LUZP2: variants seen among roughly 807,000 people sequenced by gnomAD.
LUZP2 encodes leucine zipper protein 2.
A neutral mutation model predicts 51.6 loss-of-function variants in LUZP2; 52 were observed. The observed-to-expected ratio is 1.01, with a 90% CI of 0.81 to 1.27. The LOEUF is 1.27. Among genes scored for constraint, LUZP2 ranks in the 50% most tolerant of loss-of-function variants. The pLI, the probability that LUZP2 is intolerant of heterozygous loss-of-function variation, is 0.00. For synonymous variants in LUZP2, 154 were observed against 137.3 expected (o/e 1.12, Z -0.85); for missense variants, 436 against 395.4 (o/e 1.10, Z -0.87).
intron 1 of LUZP2, among the ~76,000 whole-genome samples, chr11:24,629,492 ATATATATATTACATATATAT>A (rs1854800681): frequency 6.8e-6 from 1 of 147,690 alleles, no homozygotes; most frequent in Non-Finnish European, 1.5e-5. Context: ...ATTCCATTGC[ATATATATATTACATATATAT>A]TATATATATT....
chr11:24,704,166 G>A (rs1374334682), intron 1 of LUZP2, among the ~76,000 whole-genome samples: 1 of 152,000 alleles, frequency 6.6e-6, no homozygotes, highest in Non-Finnish European at 1.5e-5. Context: ...GATTATCAGG[G>A]ATATTTCTTT....
intron 8 of LUZP2, 141 bp from the exon 9 acceptor site, chr11:24,982,985 A>C (rs1445295222): frequency 4.1e-6 from 3 of 737,858 alleles, no homozygotes; most frequent in Admixed American, 2.8e-5. Flanking sequence ...TGTCATAATG[A>C]AATTTATAAA....
chr11:24,550,796 A>G (rs1851702535), intron 1 of LUZP2, among the ~76,000 whole-genome samples: 1 of 152,066 alleles, frequency 6.6e-6, no homozygotes. Flanking sequence ...ATACTTGTCC[A>G]GGAACAGTGG....
At chr11:24,982,162 A>C (rs978821909) in intron 8 of LUZP2, among the ~76,000 whole-genome samples, 1 of 151,956 alleles carries the variant, frequency 6.6e-6, no homozygotes, top group Non-Finnish European at 1.5e-5. Flanking sequence ...AGTTAGTGGG[A>C]GTGTAAATTA....
chr11:24,815,361 A>G (rs920073220), intron 5 of LUZP2, among the ~76,000 whole-genome samples: 5 of 152,252 alleles, frequency 3.3e-5, no homozygotes, highest in Non-Finnish European at 7.3e-5. Flanking sequence ...TATGGAAAGA[A>G]ATTACGAAGT....
At chr11:24,695,355 C>T (rs948874216) in intron 1 of LUZP2, among the ~76,000 whole-genome samples, 3 of 151,786 alleles carry the variant, frequency 2.0e-5, no homozygotes, top group African/African-American at 7.3e-5. Flanking sequence ...AATAATTATA[C>T]ATATATATGA....
intron 1 of LUZP2, among the ~76,000 whole-genome samples, chr11:24,727,557 AAGATGATTT>A (rs1858526586): frequency 6.6e-6 from 1 of 152,102 alleles, no homozygotes; most frequent in Non-Finnish European, 1.5e-5. Flanking sequence ...ATGGTCACTT[AAGATGATTT>A]TGGAGATGTG....
intron 1 of LUZP2, among the ~76,000 whole-genome samples, chr11:24,567,189 A>G (rs1232222079): frequency 6.6e-6 from 1 of 151,294 alleles, no homozygotes; most frequent in East Asian, 1.9e-4. Context: ...TGAAAGGTAC[A>G]ATCACCTAAA....
intron 10 of LUZP2, among the ~76,000 whole-genome samples, chr11:25,059,345 CT>C (rs1233947809): frequency 6.6e-6 from 1 of 152,136 alleles, no homozygotes; most frequent in Non-Finnish European, 1.5e-5. Flanking sequence ...AAGTTTTATT[CT>C]CTATTTCTGA....
At chr11:25,032,107 A>T (rs1322853699) in intron 9 of LUZP2, among the ~76,000 whole-genome samples, 7 of 152,138 alleles carry the variant, frequency 4.6e-5, no homozygotes. Context: ...AAGCCAAAGG[A>T]TGTGACTAGG....
intron 5 of LUZP2, among the ~76,000 whole-genome samples, chr11:24,775,079 A>G (rs1486561466): frequency 6.6e-6 from 1 of 151,972 alleles, no homozygotes; most frequent in Non-Finnish European, 1.5e-5. Flanking sequence ...AATCATTGAA[A>G]TGAGCGTTTT....
chr11:25,075,556 G>A (rs1468971867), intron 10 of LUZP2, among the ~76,000 whole-genome samples: 1 of 152,092 alleles, frequency 6.6e-6, no homozygotes, highest in East Asian at 1.9e-4. Flanking sequence ...ACAATATATT[G>A]GGGAGGCAGG....
Position 24,726,743 on chromosome 11 carries a change from A to T in LUZP2, c.63-2426A>T, listed in dbSNP as rs555093845. 8.5e-5 allele frequency among the ~76,000 whole-genome samples: 13 copies of T among 152,240 alleles called. 1 individual carries two copies. The highest frequency in any genetic ancestry group is 6.8e-3 in the Middle Eastern group (2 of 294). On this transcript the variant is annotated intron_variant, in intron 1 of 11. Transcript: ENST00000336930. ...TGGATAGTAATATATAGACATGGAA[A>T]GTGCTCTAAGACATATGAAGCCAGT...
intron 7 of LUZP2, among the ~76,000 whole-genome samples, chr11:24,933,802 C>T (rs1314651031): frequency 2.0e-5 from 3 of 151,940 alleles, no homozygotes; most frequent in African/African-American, 4.8e-5. Flanking sequence ...GGGTTGAGTC[C>T]GAAAAGAGAG....
At chr11:25,022,650 A>G (rs1259121123) in intron 9 of LUZP2, among the ~76,000 whole-genome samples, 1 of 152,080 alleles carries the variant, frequency 6.6e-6, no homozygotes, top group East Asian at 1.9e-4. Context: ...AATCAAGTTT[A>G]GATTGTGGGA....
intron 1 of LUZP2, among the ~76,000 whole-genome samples, chr11:24,521,101 A>G (rs752167641): frequency 6.6e-6 from 1 of 152,188 alleles, no homozygotes; most frequent in Non-Finnish European, 1.5e-5. Flanking sequence ...CTGTAATCCC[A>G]GCACTTTGGG....
At chr11:24,634,670 T>C (rs959580205) in intron 1 of LUZP2, among the ~76,000 whole-genome samples, 2 of 151,736 alleles carry the variant, frequency 1.3e-5, no homozygotes, top group East Asian at 3.9e-4. Flanking sequence ...AAACTGACCA[T>C]AGAGCTGTTT....
chr11:24,982,711 A>C (rs1856072993), intron 8 of LUZP2, among the ~76,000 whole-genome samples: 1 of 151,722 alleles, frequency 6.6e-6, no homozygotes, highest in Non-Finnish European at 1.5e-5. Flanking sequence ...ACAAACCCTC[A>C]TGACACAAAT....
chr11:25,023,087 A>G (rs1184708343), intron 9 of LUZP2, among the ~76,000 whole-genome samples: 1 of 152,140 alleles, frequency 6.6e-6, no homozygotes, highest in Non-Finnish European at 1.5e-5. Flanking sequence ...GATGTTCATC[A>G]GGGAAATTGG....
Sources: allele counts gnomAD v4.1 joint callset (sites outside exome capture counted in the v4.1 genomes callset), GRCh38; gene constraint gnomAD v4.1.1; transcripts MANE v1.5; gene names NCBI Gene and HGNC (gene_info 2026-07-23, HGNC 2026-07-21).